FTO: variants seen among roughly 807,000 people sequenced by gnomAD.
FTO encodes alpha-ketoglutarate-dependent dioxygenase FTO.
In FTO, 47 loss-of-function variants were observed where a neutral mutation model predicts 63.9. The ratio of observed to expected loss-of-function variants is 0.74; its 90% confidence interval spans 0.58 to 0.94. The LOEUF (loss-of-function observed/expected upper bound fraction) is 0.94, where lower values mean the gene tolerates loss of function less well. FTO is among the 40% of genes least tolerant of loss of function. The pLI, the probability that FTO is intolerant of heterozygous loss-of-function variation, is 0.00. For missense variants in FTO, 562 were observed against 618.1 expected, an observed-to-expected ratio of 0.91 and a Z score of 0.96; for synonymous variants, 207 against 224.4, an observed-to-expected ratio of 0.92 and a Z score of 0.69.
intron 1 of FTO, among the ~76,000 whole-genome samples, chr16:53,766,791 G>A (rs1244092511): frequency 6.6e-6 from 1 of 152,138 alleles, no homozygotes; most frequent in African/African-American, 2.4e-5. Context: ...TTGTAATGAA[G>A]TTTTAGGCCT....
chr16:53,823,055 A>G (rs1005261390), intron 2 of FTO, among the ~76,000 whole-genome samples: 8 of 152,140 alleles, frequency 5.3e-5, no homozygotes, highest in Non-Finnish European at 4.4e-5. Context: ...CCATTCAGAG[A>G]CATCTCTACA....
At chr16:54,030,683 G>T (rs1181688084) in intron 8 of FTO, among the ~76,000 whole-genome samples, 1 of 152,088 alleles carries the variant, frequency 6.6e-6, no homozygotes, top group African/African-American at 2.4e-5. Flanking sequence ...AGTGCATCAG[G>T]AATCGAAAGA....
chr16:53,724,537 T>C (rs1050126245), intron 1 of FTO, among the ~76,000 whole-genome samples: 21 of 152,246 alleles, frequency 1.4e-4, no homozygotes, highest in African/African-American at 5.1e-4. Context: ...GAATTATTAC[T>C]GTGTCCTGGG....
At chr16:54,079,275 G>C (rs1401166591) in intron 8 of FTO, among the ~76,000 whole-genome samples, 1 of 152,096 alleles carries the variant, frequency 6.6e-6, no homozygotes, top group Non-Finnish European at 1.5e-5. Flanking sequence ...GTGGTAATAA[G>C]GTAATACAAG....
At chr16:54,085,159 A>G (rs1295216684) in intron 8 of FTO, among the ~76,000 whole-genome samples, 2 of 152,214 alleles carry the variant, frequency 1.3e-5, no homozygotes, top group African/African-American at 2.4e-5. Context: ...TTGGAGGACT[A>G]TAAGTATGGG....
intron 5 of FTO, among the ~76,000 whole-genome samples, chr16:53,876,725 A>C (rs978257796): frequency 6.6e-6 from 1 of 152,158 alleles, no homozygotes; most frequent in Non-Finnish European, 1.5e-5. Context: ...CCAGGAGTTC[A>C]AGACCAGCCT....
At chr16:53,824,337 T>C (rs1836717771) in intron 2 of FTO, among the ~76,000 whole-genome samples, 1 of 152,226 alleles carries the variant, frequency 6.6e-6, no homozygotes, top group Admixed American at 6.5e-5. Context: ...CTGAGTGCCT[T>C]TGGCTTCTCT....
intron 8 of FTO, among the ~76,000 whole-genome samples, chr16:54,049,613 G>C (rs1363952290): frequency 6.6e-6 from 1 of 152,204 alleles, no homozygotes; most frequent in Non-Finnish European, 1.5e-5. Flanking sequence ...TGAAATACTT[G>C]TCTTTGTATC....
chr16:54,042,150 G>A (rs916043656), intron 8 of FTO, among the ~76,000 whole-genome samples: 1 of 151,954 alleles, frequency 6.6e-6, no homozygotes, highest in Non-Finnish European at 1.5e-5. Context: ...CTCCCAGCGT[G>A]AGTGACGCAG....
chr16:53,826,591 A>G (rs2079012756), intron 3 of FTO, 100 bp downstream of exon 3: 3 of 1,183,530 alleles, frequency 2.5e-6, no homozygotes, highest in South Asian at 1.2e-5. Context: ...ACATGTTTGC[A>G]TGTGTGCTTG....
intron 8 of FTO, among the ~76,000 whole-genome samples, chr16:54,089,974 G>A (rs572772058): frequency 4.6e-5 from 7 of 152,010 alleles, no homozygotes; most frequent in Non-Finnish European, 1.0e-4. Flanking sequence ...CAGTTTGATG[G>A]GTCCTCAAAA....
chr16:54,102,119 A>G (rs2086654085), intron 8 of FTO, among the ~76,000 whole-genome samples: 2 of 152,048 alleles, frequency 1.3e-5, no homozygotes, highest in Admixed American at 1.3e-4. Context: ...TCATCTGTTT[A>G]CTCTGTTGAT....
At chr16:53,939,215 AT>A (rs929601528) in intron 8 of FTO, among the ~76,000 whole-genome samples, 1 of 152,188 alleles carries the variant, frequency 6.6e-6, no homozygotes, top group Non-Finnish European at 1.5e-5. Context: ...AAGTTAGCAT[AT>A]TTTTCATCAA....
At chr16:53,831,805 A>G (rs2079152648) in intron 3 of FTO, among the ~76,000 whole-genome samples, 1 of 152,300 alleles carries the variant, frequency 6.6e-6, no homozygotes, top group South Asian at 2.1e-4. Context: ...GGGAAGATAG[A>G]ACATGATTGG....
intron 8 of FTO, among the ~76,000 whole-genome samples, chr16:54,048,126 TAAA>T (rs71380060): frequency 1.8e-5 from 1 of 56,468 alleles, no homozygotes. Flanking sequence ...AAAAAAAAAT[TAAA>T]AAAAAAAAAA....
At chr16:53,739,802 T>A (rs1214851732) in intron 1 of FTO, among the ~76,000 whole-genome samples, 1 of 152,142 alleles carries the variant, frequency 6.6e-6, no homozygotes, top group East Asian at 1.9e-4. Flanking sequence ...CATTTTAAAG[T>A]GTTTGAAATG....
chr16:53,800,208 G>A (rs1478497036), intron 1 of FTO, among the ~76,000 whole-genome samples: 2 of 151,552 alleles, frequency 1.3e-5, no homozygotes, highest in South Asian at 2.1e-4. Context: ...TTTCATTTTT[G>A]TTCAACTTAA....
chr16:53,710,252 G>T (rs984414503), intron 1 of FTO, among the ~76,000 whole-genome samples: 14 of 148,350 alleles, frequency 9.4e-5, no homozygotes, highest in African/African-American at 3.2e-4. Context: ...CTTATGATTA[G>T]ATTCAGATTT....
intron 8 of FTO, chr16:53,981,145 C>A (rs1194800634): frequency 1.3e-5 from 2 of 152,068 alleles, no homozygotes; most frequent in Non-Finnish European, 2.9e-5. Flanking sequence ...GGCAGCATAG[C>A]AATGCTCTGT....
Sources: gnomAD v4.1 joint callset for allele counts (sites outside exome capture counted in the v4.1 genomes callset) on GRCh38, gnomAD v4.1.1 for gene constraint, MANE v1.5 for transcripts, NCBI Gene and HGNC (gene_info 2026-07-23, HGNC 2026-07-21) for gene names.